GRIN3A: variants seen among roughly 807,000 people sequenced by gnomAD.
GRIN3A encodes glutamate receptor ionotropic, NMDA 3A.
Under a neutral mutation model 92.4 loss-of-function variants are expected in GRIN3A, and 47 were observed. That is an observed-to-expected ratio of 0.51 (90% CI 0.40 to 0.65). The LOEUF is 0.65. GRIN3A is among the 30% of genes least tolerant of loss of function. GRIN3A has a pLI of 0.00. For synonymous variants in GRIN3A, 527 were observed against 540.6 expected (o/e 0.97, Z 0.35); for missense variants, 1,324 against 1,393.1 (o/e 0.95, Z 0.79).
intron 3 of GRIN3A, among the ~76,000 whole-genome samples, chr9:101,652,867 A>G (rs1320687418): frequency 6.6e-6 from 1 of 151,954 alleles, no homozygotes; most frequent in Non-Finnish European, 1.5e-5. Context: ...CTTTTATGAG[A>G]ATGAACATTG....
intron 3 of GRIN3A, among the ~76,000 whole-genome samples, chr9:101,657,260 T>C (rs191148176): frequency 3.2e-4 from 49 of 152,086 alleles, no homozygotes; most frequent in African/African-American, 1.2e-3. Context: ...AAACAAAAAA[T>C]GTTAGTACAA....
At chr9:101,724,912 T>C (rs1488111764) in intron 1 of GRIN3A, among the ~76,000 whole-genome samples, 1 of 152,254 alleles carries the variant, frequency 6.6e-6, no homozygotes, top group African/African-American at 2.4e-5. Flanking sequence ...GTGGATGGCC[T>C]TGAGGGCCAG....
intron 1 of GRIN3A, among the ~76,000 whole-genome samples, chr9:101,701,736 A>G (rs1564148050): frequency 6.6e-6 from 1 of 152,214 alleles, no homozygotes; most frequent in Non-Finnish European, 1.5e-5. Flanking sequence ...GCACAGCAAA[A>G]GAAACTATCA....
intron 3 of GRIN3A, among the ~76,000 whole-genome samples, chr9:101,649,280 T>C (rs1003968716): frequency 2.0e-5 from 3 of 151,922 alleles, no homozygotes; most frequent in African/African-American, 7.3e-5. Flanking sequence ...CCTCCCTGCC[T>C]ATTGTTTCCC....
At chr9:101,599,439 C>T (rs1238603701) in intron 6 of GRIN3A, among the ~76,000 whole-genome samples, 1 of 152,134 alleles carries the variant, frequency 6.6e-6, no homozygotes, top group Non-Finnish European at 1.5e-5. Context: ...CTATGTAGCT[C>T]AGCATTATTA....
chr9:101,653,763 A>G (rs1298332185), intron 3 of GRIN3A, among the ~76,000 whole-genome samples: 2 of 151,778 alleles, frequency 1.3e-5, no homozygotes, highest in Admixed American at 6.6e-5. Flanking sequence ...CTGAAACATA[A>G]TCTTTCTTGT....
chr9:101,668,179 G>A (rs182172377), intron 3 of GRIN3A, among the ~76,000 whole-genome samples: 6 of 152,078 alleles, frequency 3.9e-5, no homozygotes. Flanking sequence ...TCACTGCTGC[G>A]TATAGCTTGT....
intron 3 of GRIN3A, among the ~76,000 whole-genome samples, chr9:101,650,255 C>G (rs1679464564): frequency 6.6e-6 from 1 of 152,012 alleles, no homozygotes; most frequent in African/African-American, 2.4e-5. Context: ...GGCTCCAACT[C>G]TTTTCTCCTT....
chr9:101,596,437 T>C (rs1055149216), intron 6 of GRIN3A, among the ~76,000 whole-genome samples: 1 of 152,226 alleles, frequency 6.6e-6, no homozygotes, highest in South Asian at 2.1e-4. Context: ...GAATTTGCAA[T>C]ATTAAGGATA....
At chr9:101,726,327 C>T (rs930508388) in intron 1 of GRIN3A, among the ~76,000 whole-genome samples, 30 of 152,174 alleles carry the variant, frequency 2.0e-4, no homozygotes, top group African/African-American at 7.0e-4. Context: ...GCAGAAGAAT[C>T]AGCTGGTATC....
intron 6 of GRIN3A, among the ~76,000 whole-genome samples, chr9:101,606,335 C>T (rs2118834585): frequency 1.3e-5 from 2 of 152,226 alleles, no homozygotes; most frequent in South Asian, 4.2e-4. Flanking sequence ...CTCCCTGGAC[C>T]TGAGGTAGAA....
chr9:101,674,231 A>AATTT (rs1829364151), intron 2 of GRIN3A, among the ~76,000 whole-genome samples: 1 of 151,958 alleles, frequency 6.6e-6, no homozygotes, highest in African/African-American at 2.4e-5. Context: ...GTCTGGGGGG[A>AATTT]GTCATGATCA....
chr9:101,616,770 T>C (rs909229823), intron 5 of GRIN3A, among the ~76,000 whole-genome samples: 8 of 140,466 alleles, frequency 5.7e-5, no homozygotes, highest in Non-Finnish European at 1.1e-4. Flanking sequence ...AGGGATAGCA[T>C]TGGGAGATAT....
At chr9:101,713,337 A>G (rs1339474110) in intron 1 of GRIN3A, among the ~76,000 whole-genome samples, 1 of 152,208 alleles carries the variant, frequency 6.6e-6, no homozygotes, top group East Asian at 1.9e-4. Context: ...TGTTATTTTT[A>G]AATGTACTTG....
intron 2 of GRIN3A, among the ~76,000 whole-genome samples, chr9:101,680,597 G>C (rs1313699528): frequency 6.6e-6 from 1 of 152,114 alleles, no homozygotes; most frequent in African/African-American, 2.4e-5. Flanking sequence ...GGTATAAAGG[G>C]TGTTATCCCA....
chr9:101,673,155 A>G (rs1829351631), intron 2 of GRIN3A, among the ~76,000 whole-genome samples: 1 of 152,174 alleles, frequency 6.6e-6, no homozygotes, highest in Non-Finnish European at 1.5e-5. Flanking sequence ...TAATGATTAT[A>G]GATTCTTAAC....
At chr9:101,599,068 C>A (rs1020800821) in intron 6 of GRIN3A, among the ~76,000 whole-genome samples, 8 of 152,168 alleles carry the variant, frequency 5.3e-5, no homozygotes, top group Non-Finnish European at 1.2e-4. Context: ...TAGTTGGTTC[C>A]AGCCTCAGCT....
rs559473307 is a variant in GRIN3A at position 101,697,914 on chromosome 9, T to C, written c.700-10714A>G. On this transcript the variant is annotated intron_variant, in intron 1 of 8. Transcript: ENST00000361820. Reference sequence around the variant, plus strand: ...ATGTATAAATGATACTTGTGGTTAATTTTACCTCCTGAATTTTAAAGGAAA... The same window carrying C: ...ATGTATAAATGATACTTGTGGTTAACTTTACCTCCTGAATTTTAAAGGAAA... Among the ~76,000 whole-genome samples the C allele has an allele frequency of 2.6e-5, 4 of 152,306 alleles. No homozygotes were observed. The East Asian group carries it at 7.7e-4, about 29-fold the overall frequency.
At chr9:101,733,728 A>G (rs564312249) in intron 1 of GRIN3A, among the ~76,000 whole-genome samples, 1 of 152,356 alleles carries the variant, frequency 6.6e-6, no homozygotes, top group East Asian at 1.9e-4. Context: ...GAAAATGCAC[A>G]ATTTAAAACA....
Sources: allele counts gnomAD v4.1 joint callset (sites outside exome capture counted in the v4.1 genomes callset), GRCh38; gene constraint gnomAD v4.1.1; transcripts MANE v1.5; gene names NCBI Gene and HGNC (gene_info 2026-07-23, HGNC 2026-07-21).